ZMAT4: variants seen among roughly 807,000 people sequenced by gnomAD.
The protein encoded by ZMAT4 is zinc finger matrin-type 4.
A neutral mutation model predicts 28.7 loss-of-function variants in ZMAT4; 17 were observed. That is an observed-to-expected ratio of 0.59 (90% confidence interval 0.41 to 0.89). ZMAT4 has a LOEUF of 0.89. ZMAT4 is among the 40% of genes least tolerant of loss of function. The pLI is 0.00. For synonymous variants in ZMAT4, 117 were observed against 109.2 expected, an observed-to-expected ratio of 1.07 and a Z score of -0.44; for missense variants, 240 against 283.8, an observed-to-expected ratio of 0.85 and a Z score of 1.11.
At chr8:40,776,308 GA>G (rs1813594123) in intron 2 of ZMAT4, among the ~76,000 whole-genome samples, 1 of 152,284 alleles carries the variant, frequency 6.6e-6, no homozygotes, top group African/African-American at 2.4e-5. Context: ...AAAGTATTAG[GA>G]AAAAGCAAAT....
chr8:40,698,028 C>T (rs1034235708), intron 3 of ZMAT4, among the ~76,000 whole-genome samples: 1 of 152,142 alleles, frequency 6.6e-6, no homozygotes, highest in Non-Finnish European at 1.5e-5. Context: ...TTCCGCTCTG[C>T]TTTTGACCAA....
intron 1 of ZMAT4, among the ~76,000 whole-genome samples, chr8:40,861,868 A>C (rs1441656073): frequency 6.6e-6 from 1 of 152,186 alleles, no homozygotes; most frequent in Admixed American, 6.5e-5. Flanking sequence ...AACCACAATG[A>C]GATACCATCT....
chr8:40,605,532 T>C (rs1805551147), intron 5 of ZMAT4, among the ~76,000 whole-genome samples: 1 of 152,224 alleles, frequency 6.6e-6, no homozygotes, highest in African/African-American at 2.4e-5. Context: ...TATTCCACAG[T>C]GGCCTGAGAG....
At chr8:40,691,409 A>T (rs952218857) in intron 4 of ZMAT4, among the ~76,000 whole-genome samples, 2 of 151,680 alleles carry the variant, frequency 1.3e-5, no homozygotes, top group African/African-American at 4.8e-5. Context: ...GACTGCAAAA[A>T]AAAAAAAAAA....
chr8:40,706,828 T>A (rs1810375333), intron 3 of ZMAT4, among the ~76,000 whole-genome samples: 1 of 152,178 alleles, frequency 6.6e-6, no homozygotes, highest in African/African-American at 2.4e-5. Context: ...CTGTTTTTGT[T>A]GGATGCTGCA....
chr8:40,864,429 T>C (rs539317157), intron 1 of ZMAT4, among the ~76,000 whole-genome samples: 18 of 152,314 alleles, frequency 1.2e-4, no homozygotes, highest in African/African-American at 4.3e-4. Context: ...CGCAAGATGG[T>C]CTGAGGATGA....
intron 1 of ZMAT4, among the ~76,000 whole-genome samples, chr8:40,864,852 T>C (rs1817621911): frequency 6.6e-6 from 1 of 152,204 alleles, no homozygotes; most frequent in Admixed American, 6.5e-5. Context: ...ATTGAAAATG[T>C]ACTGAAGCTG....
At chr8:40,596,725 T>G (rs1805118680) in intron 5 of ZMAT4, among the ~76,000 whole-genome samples, 1 of 152,236 alleles carries the variant, frequency 6.6e-6, no homozygotes, top group African/African-American at 2.4e-5. Flanking sequence ...ATCTACAGAT[T>G]CATATTTGTG....
At chr8:40,659,919 T>C (rs1037671085) in intron 5 of ZMAT4, among the ~76,000 whole-genome samples, 4 of 152,196 alleles carry the variant, frequency 2.6e-5, no homozygotes, top group Non-Finnish European at 4.4e-5. Context: ...AGGGTTTATA[T>C]TGAGTGATAG....
At chr8:40,823,371 A>G (rs1657175823) in intron 2 of ZMAT4, among the ~76,000 whole-genome samples, 1 of 152,176 alleles carries the variant, frequency 6.6e-6, no homozygotes, top group Non-Finnish European at 1.5e-5. Context: ...ACTAATAAAA[A>G]AATCTGGCCG....
intron 3 of ZMAT4, among the ~76,000 whole-genome samples, chr8:40,742,485 A>C (rs984541678): frequency 1.3e-5 from 2 of 152,034 alleles, no homozygotes; most frequent in Non-Finnish European, 2.9e-5. Flanking sequence ...GTCTTAGGAG[A>C]GGGATTTTAA....
At chr8:40,744,547 C>T (rs1812139566) in intron 3 of ZMAT4, among the ~76,000 whole-genome samples, 1 of 152,142 alleles carries the variant, frequency 6.6e-6, no homozygotes, top group Admixed American at 6.5e-5. Context: ...ATACATCAAG[C>T]TGAAGCCTTC....
At chr8:40,763,983 A>C (rs775943943) in intron 3 of ZMAT4, among the ~76,000 whole-genome samples, 48 of 144,692 alleles carry the variant, frequency 3.3e-4, no homozygotes, top group Non-Finnish European at 5.0e-4. Flanking sequence ...AAAGTATCAC[A>C]CACACAAAAA....
rs185274735 is a variant in ZMAT4, at chr8:40,855,023, A to T, written c.-4-29343T>A. On this transcript the variant is annotated intron_variant, in intron 1 of 6. Transcript: ENST00000297737. ...GTAGGGCATTTTTGAGATGAAGTTT[A>T]TGCCAAATGCATACTGTACACCAAC... Among the ~76,000 whole-genome samples, 34 of 152,288 alleles carry T rather than the reference A, an allele frequency of 2.2e-4. 1 individual carries two copies. The highest frequency in any genetic ancestry group is 4.3e-4 in the Non-Finnish European group (29 of 68,010).
intron 2 of ZMAT4, among the ~76,000 whole-genome samples, chr8:40,789,613 C>T (rs1340878762): frequency 6.6e-6 from 1 of 151,956 alleles, no homozygotes; most frequent in South Asian, 2.1e-4. Context: ...GGATGAAGAC[C>T]CCATTTACCC....
At chr8:40,846,915 G>C (rs1455580808) in intron 1 of ZMAT4, among the ~76,000 whole-genome samples, 1 of 152,174 alleles carries the variant, frequency 6.6e-6, no homozygotes, top group Non-Finnish European at 1.5e-5. Flanking sequence ...TATAAAAAAG[G>C]AGTGGGGAAT....
chr8:40,733,624 T>C (rs1811637668), intron 3 of ZMAT4, among the ~76,000 whole-genome samples: 1 of 152,172 alleles, frequency 6.6e-6, no homozygotes, highest in Non-Finnish European at 1.5e-5. Context: ...CGAGAATCGC[T>C]GTTCTTGGTG....
chr8:40,690,377 G>C (rs1398529530), intron 4 of ZMAT4, among the ~76,000 whole-genome samples: 1 of 152,144 alleles, frequency 6.6e-6, no homozygotes, highest in African/African-American at 2.4e-5. Context: ...GCAAATCTGT[G>C]AATCTATTAC....
At chr8:40,571,358 G>T (rs1406925170) in intron 6 of ZMAT4, among the ~76,000 whole-genome samples, 2 of 152,114 alleles carry the variant, frequency 1.3e-5, no homozygotes, top group Non-Finnish European at 2.9e-5. Context: ...TAGATATAGA[G>T]ATACATATAC....
Sources: gnomAD v4.1 joint callset for allele counts (sites outside exome capture counted in the v4.1 genomes callset) on GRCh38, gnomAD v4.1.1 for gene constraint, MANE v1.5 for transcripts, NCBI Gene and HGNC (gene_info 2026-07-23, HGNC 2026-07-21) for gene names.